Variants in PTPRT observed in about 807,000 individuals in gnomAD.
The protein encoded by PTPRT is receptor-type tyrosine-protein phosphatase T.
Under a neutral mutation model 176.8 loss-of-function variants are expected in PTPRT, and 56 were observed. That is an observed-to-expected ratio of 0.32 (90% confidence interval 0.26 to 0.40). The LOEUF is 0.40. PTPRT is among the 10% of genes least tolerant of loss of function. PTPRT has a pLI of 1.00. For synonymous variants in PTPRT, 783 were observed against 739.0 expected (o/e 1.06, Z -0.96); for missense variants, 1,540 against 1,908.2 (o/e 0.81, Z 3.60).
chr20:42,811,028 T>A (rs1205244454), intron 2 of PTPRT, among the ~76,000 whole-genome samples: 1 of 152,188 alleles, frequency 6.6e-6, no homozygotes, highest in African/African-American at 2.4e-5. Flanking sequence ...AGAATAAAAT[T>A]ATAAATACCC....
intron 27 of PTPRT, among the ~76,000 whole-genome samples, chr20:42,097,658 T>A (rs1347192436): frequency 6.6e-6 from 1 of 152,210 alleles, no homozygotes; most frequent in Non-Finnish European, 1.5e-5. Flanking sequence ...GTTTAAAAAA[T>A]TTTTAAATTC....
At chr20:42,478,196 T>C (rs1014939816) in intron 7 of PTPRT, among the ~76,000 whole-genome samples, 1 of 151,986 alleles carries the variant, frequency 6.6e-6, no homozygotes, top group African/African-American at 2.4e-5. Context: ...TGGGGAGAGA[T>C]GTTGTTGGGT....
intron 1 of PTPRT, among the ~76,000 whole-genome samples, chr20:42,904,186 AT>A (rs981302532): frequency 6.6e-6 from 1 of 151,466 alleles, no homozygotes; most frequent in African/African-American, 2.4e-5. Context: ...CTCTACGCAC[AT>A]TTTTTTTTAA....
the PTPRT span, among the ~76,000 whole-genome samples, chr20:42,049,788 TTCGAGA>T: frequency 4.6e-5 from 7 of 152,150 alleles, no homozygotes; most frequent in African/African-American, 1.4e-4. Flanking sequence ...CAAGGGAAAC[TTCGAGA>T]TAAAGTGGCT....
intron 6 of PTPRT, among the ~76,000 whole-genome samples, chr20:42,744,183 G>A (rs187273991): frequency 4.4e-4 from 67 of 152,302 alleles, no homozygotes; most frequent in Non-Finnish European, 5.9e-4. Flanking sequence ...TACCCTTCAG[G>A]ATCAGACTTC....
chr20:42,688,298 C>T (rs1482388814), intron 6 of PTPRT: 1 of 152,198 alleles, frequency 6.6e-6, no homozygotes, highest in Non-Finnish European at 1.5e-5. Context: ...TCTGAAGGAA[C>T]TAATATAACC....
chr20:42,266,816 A>T (rs879597805), intron 13 of PTPRT, among the ~76,000 whole-genome samples: 3 of 152,146 alleles, frequency 2.0e-5, no homozygotes, highest in Non-Finnish European at 4.4e-5. Flanking sequence ...TTACCTCTTG[A>T]TCTGCACTGC....
intron 10 of PTPRT, among the ~76,000 whole-genome samples, chr20:42,350,992 C>T (rs2058275405): frequency 6.6e-6 from 1 of 152,140 alleles, no homozygotes; most frequent in African/African-American, 2.4e-5. Flanking sequence ...AAACGTTCCA[C>T]ACCTAATAAA....
chr20:42,146,538 ACT>A (rs1180496086), intron 17 of PTPRT, among the ~76,000 whole-genome samples: 1 of 151,888 alleles, frequency 6.6e-6, no homozygotes, highest in Non-Finnish European at 1.5e-5. Flanking sequence ...ATGAAGTCAG[ACT>A]CTCTGGGGTG....
intron 7 of PTPRT, among the ~76,000 whole-genome samples, chr20:42,530,680 C>A (rs1319764807): frequency 2.6e-5 from 4 of 152,190 alleles, no homozygotes. Context: ...AGGCTTCTTT[C>A]TGATCCGGTG....
intron 7 of PTPRT, among the ~76,000 whole-genome samples, chr20:42,532,261 C>T (rs2072397529): frequency 6.6e-6 from 1 of 152,138 alleles, no homozygotes; most frequent in African/African-American, 2.4e-5. Flanking sequence ...AGTCCCCACC[C>T]CATAGGGCTG....
rs2146063743 is a variant in PTPRT, at chr20:42,677,864, A to C, written c.1153+2T>G. ...GGAGCCTGGGAAAAAAAAAAATCTT[A>C]CCTGCACACTTGGTCCTGGTGGTGA... On this transcript the variant is annotated splice_donor_variant, in intron 7 of 30. Transcript: ENST00000373187. LOFTEE classifies it high-confidence loss of function. The C allele has an allele frequency of 6.3e-7, 1 of 1,599,478 alleles. No individual in the cohort carries two copies. Among genetic ancestry groups the C allele is most frequent in the South Asian group, 1.1e-5 (1 of 88,014 alleles).
At chr20:42,350,387 T>C (rs1030938114) in intron 11 of PTPRT, among the ~76,000 whole-genome samples, 4 of 151,920 alleles carry the variant, frequency 2.6e-5, no homozygotes, top group Non-Finnish European at 4.4e-5. Context: ...TGCTACCACA[T>C]CCAGCTAATT....
chr20:42,350,224 T>TTTG (rs1555830518), intron 11 of PTPRT, among the ~76,000 whole-genome samples: 2 of 25,618 alleles, frequency 7.8e-5, no homozygotes, highest in African/African-American at 2.5e-4. Flanking sequence ...GTTTTTTTTT[T>TTTG]TTTTTTTTTT....
intron 7 of PTPRT, among the ~76,000 whole-genome samples, chr20:42,609,849 G>A (rs1441050977): frequency 2.6e-5 from 4 of 152,228 alleles, no homozygotes; most frequent in Non-Finnish European, 5.9e-5. Context: ...AGAACAGGAT[G>A]AATGTGCAGC....
intron 1 of PTPRT, among the ~76,000 whole-genome samples, chr20:43,062,018 T>C (rs541498565): frequency 1.3e-5 from 2 of 152,310 alleles, no homozygotes; most frequent in Non-Finnish European, 2.9e-5. Flanking sequence ...ATACTGCATG[T>C]TTCCATTTCT....
chr20:42,704,904 C>T (rs1216086589), intron 6 of PTPRT, among the ~76,000 whole-genome samples: 2 of 152,052 alleles, frequency 1.3e-5, no homozygotes, highest in Non-Finnish European at 2.9e-5. Flanking sequence ...TCCAAATAAG[C>T]ATCAAAAATA....
At chr20:42,498,395 A>G (rs2071691897) in intron 7 of PTPRT, among the ~76,000 whole-genome samples, 1 of 152,144 alleles carries the variant, frequency 6.6e-6, no homozygotes, top group South Asian at 2.1e-4. Context: ...TAGAGATCTT[A>G]AGGACTGACA....
At chr20:42,344,062 A>T (rs1056606641) in intron 11 of PTPRT, among the ~76,000 whole-genome samples, 8 of 152,010 alleles carry the variant, frequency 5.3e-5, no homozygotes, top group Non-Finnish European at 8.8e-5. Context: ...ACCACACCCA[A>T]CGCATTTTTG....
Sources: gnomAD v4.1 joint callset for allele counts (sites outside exome capture counted in the v4.1 genomes callset) on GRCh38, gnomAD v4.1.1 for gene constraint, MANE v1.5 for transcripts, NCBI Gene and HGNC (gene_info 2026-07-23, HGNC 2026-07-21) for gene names.